ADAMTS2: variants seen among roughly 807,000 people sequenced by gnomAD.
ADAMTS2 encodes ADAM metallopeptidase with thrombospondin type 1 motif 2.
Under a neutral mutation model 123.0 loss-of-function variants are expected in ADAMTS2, and 50 were observed. That is an observed-to-expected ratio of 0.41 (90% CI 0.32 to 0.51). The LOEUF is 0.51. Among genes scored for constraint, ADAMTS2 ranks in the 20% least tolerant of loss-of-function variants. The probability of loss-of-function intolerance (pLI) is 0.35; values close to 1 mark genes in which losing one functional copy is unlikely to be tolerated. For missense variants in ADAMTS2, 1,494 were observed against 1,705.2 expected (o/e 0.88, Z 2.18); for synonymous variants, 678 against 695.4 (o/e 0.98, Z 0.39).
chr5:179,338,700 G>A (rs368163663), intron 2 of ADAMTS2, among the ~76,000 whole-genome samples: 1 of 152,226 alleles, frequency 6.6e-6, no homozygotes, highest in African/African-American at 2.4e-5. Context: ...TTTAAGAGCA[G>A]TAAGAACCAC....
chr5:179,174,916 A>G (rs34292766), intron 5 of ADAMTS2, among the ~76,000 whole-genome samples: 1,274 of 121,826 alleles, frequency 0.01, 31 homozygotes, highest in African/African-American at 0.032. Flanking sequence ...ATTCTTGACC[A>G]TTCATGTTCC....
chr5:179,206,603 G>A (rs1581189388), intron 4 of ADAMTS2, among the ~76,000 whole-genome samples: 2 of 152,130 alleles, frequency 1.3e-5, no homozygotes, highest in Admixed American at 1.3e-4. Context: ...CACATTCCAG[G>A]CCGTGCCCTG....
intron 4 of ADAMTS2, among the ~76,000 whole-genome samples, chr5:179,205,424 C>T (rs1414490593): frequency 6.6e-6 from 1 of 152,220 alleles, no homozygotes; most frequent in Non-Finnish European, 1.5e-5. Context: ...TCACATCAAC[C>T]CCCACGATGA....
intron 10 of ADAMTS2, 47 bp from the exon 11 acceptor site, chr5:179,140,082 G>A (rs369935451): frequency 1.9e-5 from 30 of 1,612,336 alleles, no homozygotes; most frequent in African/African-American, 6.7e-5. Flanking sequence ...ACACCGGGCC[G>A]TGGGGACAGT....
At position 179,312,610 on chromosome 5, in the gene ADAMTS2, T is replaced by C. The variant is rs750851864; in HGVS notation, c.534+31157A>G. 1.8e-3 allele frequency among the ~76,000 whole-genome samples: 276 copies of C among 152,298 alleles called. 1 individual carries two copies. Among genetic ancestry groups the C allele is most frequent in the Non-Finnish European group, 3.1e-3 (211 of 68,028 alleles). ...CAGGCCCTAAATGCAATCACACTTC[T>C]CTTTATCAGAGGAAGGCAGAGCAAG... is the stretch of plus-strand genomic sequence containing the variant. On this transcript the variant is annotated intron_variant, in intron 2 of 21. Transcript: ENST00000251582. This position sits in a 1 kb window ranked among gnomAD's most constrained non-coding sequence, Gnocchi z 4.2.
At chr5:179,336,464 A>C (rs1561765478) in intron 2 of ADAMTS2, among the ~76,000 whole-genome samples, 1 of 152,198 alleles carries the variant, frequency 6.6e-6, no homozygotes, top group African/African-American at 2.4e-5. Flanking sequence ...TGGCCCACCC[A>C]TTAGGCTGCA....
chr5:179,121,649 C>A lies in ADAMTS2; in HGVS notation c.3178+12G>T, dbSNP rs1053898928. 9 of 1,597,024 alleles carry A rather than the reference C, an allele frequency of 5.6e-6. No homozygotes were observed. The highest frequency in any genetic ancestry group is 1.3e-5 in the African/African-American group (1 of 74,432). ...TGGAGGGCAGAGGCAGAGTTATAAACGGGTCGGTTACTTGACGAGATCTTC... is the reference window on the plus strand; with the variant it reads ...TGGAGGGCAGAGGCAGAGTTATAAAAGGGTCGGTTACTTGACGAGATCTTC... On this transcript the variant is annotated intron_variant, in intron 21 of 21. Transcript: ENST00000251582.
intron 2 of ADAMTS2, among the ~76,000 whole-genome samples, chr5:179,338,450 C>T (rs534205791): frequency 6.6e-6 from 1 of 152,332 alleles, no homozygotes; most frequent in Non-Finnish European, 1.5e-5. Flanking sequence ...GACTGCGCTG[C>T]ACTGCTGGAT....
intron 3 of ADAMTS2, among the ~76,000 whole-genome samples, chr5:179,223,527 C>CGCACTCACACACGA (rs1554131694): frequency 6.8e-6 from 1 of 147,074 alleles, no homozygotes; most frequent in East Asian, 2.1e-4. Flanking sequence ...CACTCACACA[C>CGCACTCACACACGA]ATGCACTCAC....
intron 4 of ADAMTS2, among the ~76,000 whole-genome samples, chr5:179,186,292 C>A (rs1210566800): frequency 6.6e-6 from 1 of 152,220 alleles, no homozygotes; most frequent in Non-Finnish European, 1.5e-5. Flanking sequence ...CCTGCCCCTG[C>A]GTGTGCTATG....
intron 3 of ADAMTS2, among the ~76,000 whole-genome samples, chr5:179,258,358 G>A (rs1766124180): frequency 6.6e-6 from 1 of 152,024 alleles, no homozygotes; most frequent in Non-Finnish European, 1.5e-5. Flanking sequence ...TGCTCCTGCT[G>A]TGGTTTGGGC....
At chr5:179,338,074 C>T (rs1757669767) in intron 2 of ADAMTS2, among the ~76,000 whole-genome samples, 1 of 152,220 alleles carries the variant, frequency 6.6e-6, no homozygotes, top group Non-Finnish European at 1.5e-5. Context: ...TGAATGAGCA[C>T]ATGGCCGCGC....
chr5:179,178,760 G>C (rs995115467), intron 5 of ADAMTS2, among the ~76,000 whole-genome samples: 7 of 151,930 alleles, frequency 4.6e-5, no homozygotes, highest in African/African-American at 1.5e-4. Context: ...TAAGTTTTTG[G>C]TTTTGTTGCT....
At position 179,252,247 on chromosome 5, in the gene ADAMTS2, T is replaced by C. The variant is rs148074473; in HGVS notation, c.688+20664A>G. 5.7e-3 allele frequency among the ~76,000 whole-genome samples: 860 copies of C among 152,144 alleles called. 11 individuals carry two copies. Among genetic ancestry groups the C allele is most frequent in the African/African-American group, 0.02 (822 of 41,512 alleles). ...CTGGTCTCGAACCCCTGAGCTCAGG[T>C]GATCCATCCGCCTCAGACTCCCAAA... On this transcript the variant is annotated intron_variant, in intron 3 of 21. Transcript: ENST00000251582.
At chr5:179,191,390 G>A (rs1255121849) in intron 4 of ADAMTS2, among the ~76,000 whole-genome samples, 6 of 152,240 alleles carry the variant, frequency 3.9e-5, no homozygotes, top group South Asian at 2.1e-4. Flanking sequence ...CCCCCCACAC[G>A]CCCGTCTCAG....
intron 2 of ADAMTS2, among the ~76,000 whole-genome samples, chr5:179,321,571 A>T (rs1455936190): frequency 6.6e-6 from 1 of 152,142 alleles, no homozygotes; most frequent in Non-Finnish European, 1.5e-5. Flanking sequence ...ACTTGTCTGC[A>T]CATGGTGGGG....
At chr5:179,279,161 T>C (rs6895117) in intron 2 of ADAMTS2, among the ~76,000 whole-genome samples, 122,624 of 151,850 alleles carry the variant, frequency 0.81, 52,084 homozygotes, top group Non-Finnish European at 0.93. Flanking sequence ...TCACTCAACC[T>C]TGTCAACCTC....
chr5:179,111,677 A>C lies in ADAMTS2; in HGVS notation c.*2190T>G, dbSNP rs1162507021. On this transcript the variant is annotated 3_prime_UTR_variant, in exon 22 of 22. Coordinates refer to ENST00000251582, the MANE Select transcript of ADAMTS2 (RefSeq NM_014244.5). The stretch of plus-strand genomic sequence containing the variant: ...CTTGGAATGGAGTGTTCCCATCCAG[A>C]GGCCCCTAGGCTGGGTAAACCGAGT... 2.0e-5 allele frequency: 3 copies of C among 152,262 alleles called. No homozygotes were observed. Among genetic ancestry groups the C allele is most frequent in the Non-Finnish European group, 4.4e-5 (3 of 68,062 alleles). 9.4% of individuals were successfully genotyped at this position (152,262 alleles called of 1,614,324 possible). A position where few individuals can be genotyped will look rare whatever the true frequency, so the allele number is the denominator to read the frequency against.
chr5:179,264,591 C>G (rs1766314542), intron 3 of ADAMTS2, among the ~76,000 whole-genome samples: 1 of 152,216 alleles, frequency 6.6e-6, no homozygotes, highest in South Asian at 2.1e-4. Flanking sequence ...TTGTGCAAAA[C>G]CCGAAAAGCT....
Sources: gnomAD v4.1 joint callset for allele counts (sites outside exome capture counted in the v4.1 genomes callset) on GRCh38, gnomAD v4.1.1 for gene constraint, Gnocchi (gnomAD v3.1) non-coding constraint, MANE v1.5 for transcripts, NCBI Gene and HGNC (gene_info 2026-07-23, HGNC 2026-07-21) for gene names.